SLC8A1: variants seen among roughly 807,000 people sequenced by gnomAD.
The protein encoded by SLC8A1 is sodium/calcium exchanger 1.
A neutral mutation model predicts 68.3 loss-of-function variants in SLC8A1; 18 were observed. The ratio of observed to expected loss-of-function variants is 0.26; its 90% CI spans 0.18 to 0.39. The LOEUF is 0.39. SLC8A1 is among the 10% of genes least tolerant of loss of function. The pLI is 1.00. For synonymous variants in SLC8A1, 475 were observed against 415.5 expected (o/e 1.14, Z -1.74); for missense variants, 985 against 1,156.7 (o/e 0.85, Z 2.15).
chr2:40,425,208 T>C (rs1010473117), intron 2 of SLC8A1, among the ~76,000 whole-genome samples: 3 of 151,854 alleles, frequency 2.0e-5, no homozygotes, highest in African/African-American at 7.2e-5. Context: ...TTGCTGAGAA[T>C]ATATTTTATT....
At chr2:40,251,393 C>G (rs1246782446) in intron 2 of SLC8A1, 4 of 152,136 alleles carry the variant, frequency 2.6e-5, no homozygotes, top group Admixed American at 2.6e-4. Flanking sequence ...GTGTGGCATG[C>G]TTCATCTCAG....
At chr2:40,238,895 T>C (rs930670667) in intron 2 of SLC8A1, among the ~76,000 whole-genome samples, 49 of 152,188 alleles carry the variant, frequency 3.2e-4, no homozygotes, top group African/African-American at 1.2e-3. Flanking sequence ...AATTTACCTT[T>C]ACAGGGATAA....
chr2:40,323,619 CA>C (rs1411708387), intron 2 of SLC8A1, among the ~76,000 whole-genome samples: 2 of 151,974 alleles, frequency 1.3e-5, no homozygotes, highest in African/African-American at 4.8e-5. Flanking sequence ...AACAGAGTAG[CA>C]CTATAAAGAA....
intron 7 of SLC8A1, among the ~76,000 whole-genome samples, chr2:40,134,444 T>TC: frequency 6.6e-6 from 1 of 152,110 alleles, no homozygotes; most frequent in East Asian, 1.9e-4. Context: ...CGAGAAGGGA[T>TC]CATAGAAGAG....
intron 4 of SLC8A1, among the ~76,000 whole-genome samples, chr2:40,166,943 T>C (rs2046645887): frequency 6.6e-6 from 1 of 152,232 alleles, no homozygotes; most frequent in South Asian, 2.1e-4. Flanking sequence ...ATATTTATTA[T>C]GGCCTTCTTT....
At chr2:40,461,465 G>A (rs1005955798) in intron 1 of SLC8A1, among the ~76,000 whole-genome samples, 1 of 152,084 alleles carries the variant, frequency 6.6e-6, no homozygotes, top group Admixed American at 6.6e-5. Context: ...GAGAATATCC[G>A]GTCTTCTTTC....
chr2:40,265,439 T>C (rs1040291694), intron 2 of SLC8A1, among the ~76,000 whole-genome samples: 3 of 152,200 alleles, frequency 2.0e-5, no homozygotes, highest in African/African-American at 7.2e-5. Context: ...CTGTTGCTCT[T>C]TGACTTAAAA....
chr2:40,500,795 C>CTTTTTTTTTTTTTTTT lies in SLC8A1; in HGVS notation c.-25+11538_-25+11553dup, dbSNP rs1191619172. On this transcript the variant is annotated intron_variant, in intron 1 of 7. Coordinates refer to the SLC8A1 transcript ENST00000402441. The stretch of plus-strand genomic sequence containing the variant: ...TATAAGGTAAGGTATTATCATCTGA[C>CTTTTTTTTTTTTTTTT]TTTTTTTTTTTTTTTTTTTTTTTTT... Among the ~76,000 whole-genome samples the CTTTTTTTTTTTTTTTT allele has an allele frequency of 1.6e-4, 6 of 37,262 alleles. 1 individual carries two copies. Among genetic ancestry groups the CTTTTTTTTTTTTTTTT allele is most frequent in the Non-Finnish European group, 2.5e-4 (5 of 20,022 alleles). 24.4% of individuals were successfully genotyped at this position (37,262 alleles called of 152,430 possible).
chr2:40,160,153 G>A (rs928681990), intron 6 of SLC8A1, among the ~76,000 whole-genome samples: 17 of 152,178 alleles, frequency 1.1e-4, no homozygotes, highest in Non-Finnish European at 1.5e-4. Context: ...TACAGGAAGA[G>A]CACACCTCTC....
intron 2 of SLC8A1, among the ~76,000 whole-genome samples, chr2:40,390,867 A>G (rs1050197380): frequency 1.4e-5 from 2 of 143,886 alleles, no homozygotes; most frequent in Admixed American, 1.4e-4. Context: ...CCAATTTGAT[A>G]GACATTTTAT....
intron 2 of SLC8A1, among the ~76,000 whole-genome samples, chr2:40,302,016 C>A (rs2071550669): frequency 7.0e-6 from 1 of 142,706 alleles, no homozygotes; most frequent in African/African-American, 2.5e-5. Flanking sequence ...GCACCTGCCA[C>A]CACACCGGGC....
At chr2:40,324,369 A>T (rs564616837) in intron 2 of SLC8A1, among the ~76,000 whole-genome samples, 1 of 152,276 alleles carries the variant, frequency 6.6e-6, no homozygotes, top group East Asian at 1.9e-4. Context: ...ATGGGGTTCA[A>T]ATAAAGATGG....
intron 2 of SLC8A1, among the ~76,000 whole-genome samples, chr2:40,416,985 A>G (rs1395064640): frequency 6.6e-6 from 1 of 152,080 alleles, no homozygotes; most frequent in African/African-American, 2.4e-5. Context: ...CCAAAAATAA[A>G]AATGATAATT....
intron 2 of SLC8A1, among the ~76,000 whole-genome samples, chr2:40,287,703 G>A (rs1382550579): frequency 1.3e-5 from 2 of 151,622 alleles, no homozygotes; most frequent in Admixed American, 1.3e-4. Context: ...AGGAACAGGG[G>A]AGGATGAGGG....
chr2:40,402,815 C>A (rs1408538001), intron 2 of SLC8A1, among the ~76,000 whole-genome samples: 1 of 152,198 alleles, frequency 6.6e-6, no homozygotes, highest in Non-Finnish European at 1.5e-5. Flanking sequence ...AACTACTCAA[C>A]TTGACTAGAC....
At position 40,213,667 on chromosome 2, in the gene SLC8A1, C is replaced by T. The variant is rs566565809; in HGVS notation, c.1809-35812G>A. Among the ~76,000 whole-genome samples the T allele has an allele frequency of 5.3e-5, 8 of 152,216 alleles. No individual in the cohort carries two copies. In the East Asian group the frequency reaches 1.4e-3, roughly 26 times the overall value. On this transcript the variant is annotated intron_variant, in intron 2 of 7. Transcript: ENST00000406785. ...ACAATCCCAAGGACATTTTTTCCCC[C>T]GTCATCTCAAATATTTTTTCAAAAG...
At chr2:40,476,036 A>G (rs1559757045) in intron 1 of SLC8A1, among the ~76,000 whole-genome samples, 1 of 152,210 alleles carries the variant, frequency 6.6e-6, no homozygotes. Flanking sequence ...GGCACAAAGC[A>G]TGAAAATAAA....
intron 2 of SLC8A1, among the ~76,000 whole-genome samples, chr2:40,187,738 A>G (rs1422928742): frequency 1.3e-5 from 2 of 152,210 alleles, no homozygotes; most frequent in African/African-American, 4.8e-5. Flanking sequence ...TACTCGAAAG[A>G]GATACTACAG....
At chr2:40,281,098 A>T (rs2067450952) in intron 2 of SLC8A1, among the ~76,000 whole-genome samples, 1 of 152,210 alleles carries the variant, frequency 6.6e-6, no homozygotes, top group Non-Finnish European at 1.5e-5. Flanking sequence ...GAATGACAGT[A>T]AGATTTCACA....
Sources: gnomAD v4.1 joint callset for allele counts (sites outside exome capture counted in the v4.1 genomes callset) on GRCh38, gnomAD v4.1.1 for gene constraint, MANE v1.5 for transcripts, NCBI Gene and HGNC (gene_info 2026-07-23, HGNC 2026-07-21) for gene names.